The following RIMS2 variants were observed in gnomAD, a reference collection of about 807,000 sequenced individuals.
The protein encoded by RIMS2 is regulating synaptic membrane exocytosis 2.
RIMS2 carries 59 observed loss-of-function variants against 174.4 expected under a neutral mutation model. That is an observed-to-expected ratio of 0.34 (90% CI 0.27 to 0.42). The LOEUF is 0.42. Ranked by LOEUF, RIMS2 falls within the 10% of genes least tolerant of loss-of-function variation. The probability of loss-of-function intolerance (pLI) is 1.00; values close to 1 mark genes in which losing one functional copy is unlikely to be tolerated. For missense variants in RIMS2, 1,620 were observed against 1,666.3 expected, an observed-to-expected ratio of 0.97 and a Z score of 0.48; for synonymous variants, 606 against 572.5, an observed-to-expected ratio of 1.06 and a Z score of -0.84.
intron 1 of RIMS2, among the ~76,000 whole-genome samples, chr8:103,595,487 C>T (rs2094447591): frequency 1.3e-5 from 2 of 151,606 alleles, no homozygotes. Context: ...CTGAACTTGG[C>T]AGAGGGAAGT....
At chr8:104,078,880 G>A (rs1048597075) in intron 19 of RIMS2, among the ~76,000 whole-genome samples, 15 of 152,184 alleles carry the variant, frequency 9.9e-5, no homozygotes, top group African/African-American at 3.6e-4. Context: ...GTTTGCAAAT[G>A]CATCTTAAAA....
At position 103,925,962 on chromosome 8, in the gene RIMS2, A is replaced by G. The variant is rs140093663; in HGVS notation, c.2197-1880A>G. Among the ~76,000 whole-genome samples the G allele has an allele frequency of 3.4e-3, 514 of 151,728 alleles. 2 individuals are homozygous for G. The highest frequency in any genetic ancestry group is 0.012 in the African/African-American group (478 of 41,512). ...AACGCAAAAATATATTTTTATAGCCATATTTAAAATATAAACTCATGGGTG... is the reference window on the plus strand; with the variant it reads ...AACGCAAAAATATATTTTTATAGCCGTATTTAAAATATAAACTCATGGGTG... On this transcript the variant is annotated intron_variant, in intron 10 of 23. Transcript: ENST00000504942.
intron 2 of RIMS2, among the ~76,000 whole-genome samples, chr8:103,728,913 C>T (rs542241028): frequency 6.6e-6 from 1 of 151,952 alleles, no homozygotes; most frequent in East Asian, 1.9e-4. Context: ...CCTTGTATCC[C>T]TGGGATAAAT....
At chr8:104,165,813 T>C (rs933185763) in intron 19 of RIMS2, among the ~76,000 whole-genome samples, 1 of 152,144 alleles carries the variant, frequency 6.6e-6, no homozygotes, top group Non-Finnish European at 1.5e-5. Flanking sequence ...TTTTTAAAAG[T>C]ATACAAATTT....
intron 1 of RIMS2, among the ~76,000 whole-genome samples, chr8:103,629,141 C>G (rs1417556098): frequency 6.6e-6 from 1 of 152,192 alleles, no homozygotes; most frequent in Non-Finnish European, 1.5e-5. Flanking sequence ...CTGCACCTGA[C>G]TCAACTGGGT....
At chr8:104,212,699 G>A (rs945031690) in intron 19 of RIMS2, among the ~76,000 whole-genome samples, 2 of 152,088 alleles carry the variant, frequency 1.3e-5, no homozygotes, top group East Asian at 1.9e-4. Context: ...TGATATTTGT[G>A]TACTTCACTA....
At chr8:104,014,654 C>G (rs1374840394) in intron 19 of RIMS2, 39 bp downstream of exon 21, 1 of 1,253,374 alleles carries the variant, frequency 8.0e-7, no homozygotes, top group South Asian at 1.2e-5. Flanking sequence ...AGGAAATACA[C>G]ATGGAAGCTA....
intron 1 of RIMS2, among the ~76,000 whole-genome samples, chr8:103,589,492 A>G (rs1205001284): frequency 6.6e-6 from 1 of 151,766 alleles, no homozygotes; most frequent in African/African-American, 2.4e-5. Flanking sequence ...AATTTAAATT[A>G]GTACAACCAT....
At chr8:103,637,285 C>T (rs1210777548) in intron 1 of RIMS2, among the ~76,000 whole-genome samples, 1 of 152,170 alleles carries the variant, frequency 6.6e-6, no homozygotes, top group Non-Finnish European at 1.5e-5. Context: ...CTTGGAGTCT[C>T]ATTTACAGTT....
At chr8:103,553,868 A>G (rs1343354155) in intron 1 of RIMS2, among the ~76,000 whole-genome samples, 1 of 152,174 alleles carries the variant, frequency 6.6e-6, no homozygotes, top group East Asian at 1.9e-4. Flanking sequence ...AGACCAATGG[A>G]ACAGAATAGA....
intron 16 of RIMS2, among the ~76,000 whole-genome samples, chr8:103,985,377 G>A (rs1303759277): frequency 6.9e-6 from 1 of 144,364 alleles, no homozygotes; most frequent in African/African-American, 2.6e-5. Flanking sequence ...GGAAGGCTGA[G>A]TCAGGAAAAT....
chr8:103,618,063 A>G (rs1460892347), intron 1 of RIMS2, among the ~76,000 whole-genome samples: 1 of 152,202 alleles, frequency 6.6e-6, no homozygotes, highest in Non-Finnish European at 1.5e-5. Context: ...ATTGTTCTCA[A>G]TGGCAAAGAC....
intron 2 of RIMS2, among the ~76,000 whole-genome samples, chr8:103,711,569 G>A (rs904967248): frequency 6.6e-6 from 1 of 152,128 alleles, no homozygotes; most frequent in East Asian, 1.9e-4. Flanking sequence ...TATATTCCGT[G>A]TATAAGCTAA....
At position 103,734,014 on chromosome 8, in the gene RIMS2, C is replaced by CTTTTTTTT. The variant is rs59348302; in HGVS notation, c.388-32195_388-32188dup. Reference sequence around the variant, plus strand: ...CTTGCTTTACCTCTCCTAAAAGCTTCTTTTTTTTTTTTTTTTTTTTTTTTT... The same window carrying CTTTTTTTT: ...CTTGCTTTACCTCTCCTAAAAGCTTCTTTTTTTTTTTTTTTTTTTTTTTTTTTTTTTTT... On this transcript the variant is annotated intron_variant, in intron 2 of 23. Transcript: ENST00000504942. 5.4e-3 allele frequency among the ~76,000 whole-genome samples: 465 copies of CTTTTTTTT among 85,688 alleles called. 18 individuals are homozygous for CTTTTTTTT. The highest frequency in any genetic ancestry group is 6.9e-3 in the African/African-American group (128 of 18,584). The allele number at this position is 85,688 out of a possible 152,430, so 56.2% of individuals were successfully genotyped here.
chr8:103,656,628 C>G (rs2096535040), intron 1 of RIMS2, among the ~76,000 whole-genome samples: 2 of 152,172 alleles, frequency 1.3e-5, no homozygotes, highest in Non-Finnish European at 2.9e-5. Flanking sequence ...AAAGTTGTCA[C>G]TGCTATTCTC....
chr8:103,980,903 C>T (rs1596316495), intron 16 of RIMS2, among the ~76,000 whole-genome samples: 1 of 152,236 alleles, frequency 6.6e-6, no homozygotes, highest in East Asian at 1.9e-4. Flanking sequence ...GCCACCTTAG[C>T]CACAGTAGAA....
intron 1 of RIMS2, among the ~76,000 whole-genome samples, chr8:103,604,632 C>T (rs2094952721): frequency 6.7e-6 from 1 of 148,594 alleles, no homozygotes; most frequent in South Asian, 2.1e-4. Flanking sequence ...TACCCATGAG[C>T]ATGGAATGTT....
At chr8:104,248,567 T>G in intron 20 of RIMS2, 134 bp from the exon 27 acceptor site, 3 of 626,666 alleles carry the variant, frequency 4.8e-6, no homozygotes, top group African/African-American at 1.8e-5. Flanking sequence ...GAACTGGGTA[T>G]TTGGATCCAG....
chr8:103,853,868 T>G (rs2099012559), intron 3 of RIMS2, among the ~76,000 whole-genome samples: 1 of 152,144 alleles, frequency 6.6e-6, no homozygotes. Context: ...CTATTCAGGC[T>G]CTTTTTTGAT....
Sources: gnomAD v4.1 joint callset for allele counts (sites outside exome capture counted in the v4.1 genomes callset) on GRCh38, gnomAD v4.1.1 for gene constraint, MANE v1.5 for transcripts, NCBI Gene and HGNC (gene_info 2026-07-23, HGNC 2026-07-21) for gene names.